PHACTR4: variants seen among roughly 807,000 people sequenced by gnomAD.
PHACTR4 encodes phosphatase and actin regulator 4, also known as protein phosphatase 1, regulatory subunit 124.
Under a neutral mutation model 72.7 loss-of-function variants are expected in PHACTR4, and 51 were observed. The observed-to-expected ratio is 0.70, with a 90% CI of 0.56 to 0.89. The LOEUF (loss-of-function observed/expected upper bound fraction) is 0.89, where lower values mean the gene tolerates loss of function less well. Ranked by LOEUF, PHACTR4 falls within the 40% of genes least tolerant of loss-of-function variation. PHACTR4 has a pLI of 0.00. For synonymous variants in PHACTR4, 255 were observed against 302.5 expected (o/e 0.84, Z 1.63); for missense variants, 731 against 861.8 (o/e 0.85, Z 1.90).
intron 2 of PHACTR4, among the ~76,000 whole-genome samples, chr1:28,426,505 A>G (rs1352899485): frequency 1.3e-5 from 2 of 151,628 alleles, no homozygotes; most frequent in South Asian, 2.1e-4. Context: ...AAAATACAAA[A>G]AAAACCCAAT....
intron 2 of PHACTR4, among the ~76,000 whole-genome samples, chr1:28,432,081 C>T (rs976403686): frequency 6.6e-6 from 1 of 151,990 alleles, no homozygotes; most frequent in Non-Finnish European, 1.5e-5. Context: ...TGGTGGCTCA[C>T]GCCTGTAATC....
chr1:28,377,033 G>A (rs1405287028), intron 1 of PHACTR4, among the ~76,000 whole-genome samples: 3 of 146,048 alleles, frequency 2.1e-5, no homozygotes, highest in Admixed American at 6.8e-5. Context: ...GGGTTCAAGC[G>A]ATTCTCCAGC....
chr1:28,469,994 G>T (rs902440833), intron 6 of PHACTR4, among the ~76,000 whole-genome samples: 5 of 151,818 alleles, frequency 3.3e-5, no homozygotes, highest in Non-Finnish European at 5.9e-5. Context: ...GGGAAGTGGC[G>T]GTTGCAGTGA....
chr1:28,382,307 A>T (rs1012615612), intron 1 of PHACTR4, among the ~76,000 whole-genome samples: 24 of 144,212 alleles, frequency 1.7e-4, no homozygotes, highest in Admixed American at 1.5e-3. Context: ...CTGTCATGAA[A>T]TTTTTTTTTT....
rs547812821 is a variant in PHACTR4, at chr1:28,450,916, T to G, written c.17-8169T>G. ...GCCTCTGCCTCCCGGGTTCAAGAGA[T>G]TCTCATGCCTCAGCCTCCCCAGTAG... is the stretch of plus-strand genomic sequence containing the variant. On this transcript the variant is annotated intron_variant, in intron 2 of 13. Coordinates refer to ENST00000373839, the MANE Select transcript of PHACTR4 (RefSeq NM_001048183.3). Among the ~76,000 whole-genome samples, 53 of 148,740 alleles carry G rather than the reference T, an allele frequency of 3.6e-4. 1 individual carries two copies. The highest frequency in any genetic ancestry group is 3.5e-3 in the Admixed American group (52 of 14,688).
chr1:28,470,046 G>GAGA (rs1659466047), intron 6 of PHACTR4, among the ~76,000 whole-genome samples: 1 of 147,146 alleles, frequency 6.8e-6, no homozygotes, highest in Admixed American at 6.9e-5. Flanking sequence ...GCAACAGAGC[G>GAGA]AGACTCTGTC....
chr1:28,396,405 C>T (rs1487405521), intron 1 of PHACTR4, among the ~76,000 whole-genome samples: 1 of 151,568 alleles, frequency 6.6e-6, no homozygotes, highest in Non-Finnish European at 1.5e-5. Context: ...GTGGTATGCA[C>T]CTTTAATCCC....
chr1:28,398,053 A>G (rs1220660478), intron 1 of PHACTR4, among the ~76,000 whole-genome samples: 1 of 152,098 alleles, frequency 6.6e-6, no homozygotes, highest in Non-Finnish European at 1.5e-5. Flanking sequence ...CCTGCAGTAC[A>G]TGCTTCTGTG....
chr1:28,395,835 T>G (rs1653455488), intron 1 of PHACTR4, among the ~76,000 whole-genome samples: 1 of 104,832 alleles, frequency 9.5e-6, no homozygotes, highest in Non-Finnish European at 1.8e-5. Flanking sequence ...TTTTTTTTTT[T>G]TTTTTTTAGT....
At chr1:28,407,248 CAAA>C (rs78873359) in intron 1 of PHACTR4, among the ~76,000 whole-genome samples, 159 bp from the exon 2 acceptor site, 6 of 76,458 alleles carry the variant, frequency 7.8e-5, no homozygotes, top group African/African-American at 7.6e-5. Flanking sequence ...GATCCTGTCT[CAAA>C]AAAAAAAAAA....
At chr1:28,431,195 A>AAC (rs1656240149) in intron 2 of PHACTR4, among the ~76,000 whole-genome samples, 1 of 136,866 alleles carries the variant, frequency 7.3e-6, no homozygotes, top group African/African-American at 2.9e-5. Context: ...AAAAAAACCA[A>AAC]AATATATATA....
At chr1:28,401,952 A>G (rs961419183) in intron 1 of PHACTR4, among the ~76,000 whole-genome samples, 9 of 152,140 alleles carry the variant, frequency 5.9e-5, no homozygotes, top group African/African-American at 1.9e-4. Flanking sequence ...AACAGAATAT[A>G]AGAGTCTGAG....
chr1:28,382,230 T>C (rs1652227481), intron 1 of PHACTR4, among the ~76,000 whole-genome samples: 1 of 152,242 alleles, frequency 6.6e-6, no homozygotes, highest in South Asian at 2.1e-4. Context: ...TCCTTTTCTG[T>C]GCAGGAGCTC....
rs1203255265 is a variant in PHACTR4 at position 28,491,634 on chromosome 1, G to A, written c.1879-16G>A. On this transcript the variant is annotated splice_polypyrimidine_tract_variant and intron_variant, in intron 11 of 13. Transcript: ENST00000373839. Reference sequence around the variant, plus strand: ...AATTATTGGCTTGGTGAACTAAGAGGCTCCGTTTCCTTCAGCTCAGTCAAA... The same window carrying A: ...AATTATTGGCTTGGTGAACTAAGAGACTCCGTTTCCTTCAGCTCAGTCAAA... The A allele has an allele frequency of 1.9e-6, 3 of 1,613,848 alleles. No homozygotes were observed. The Admixed American group carries it at 5.0e-5, about 27-fold the overall frequency.
chr1:28,484,943 G>T lies in PHACTR4; in HGVS notation c.1761-4227G>T, dbSNP rs371981391. On this transcript the variant is annotated intron_variant, in intron 9 of 13. Coordinates refer to ENST00000373839, the MANE Select transcript of PHACTR4 (RefSeq NM_001048183.3). ...TTCACACCACTGCACTCCAGCCTGG[G>T]CAACAAGAGCAAAAGAAACTCCGTT... Among the ~76,000 whole-genome samples, 138 of 152,170 alleles carry T rather than the reference G, an allele frequency of 9.1e-4. 1 individual carries two copies. Among genetic ancestry groups the T allele is most frequent in the African/African-American group, 3.2e-3 (133 of 41,544 alleles).
intron 9 of PHACTR4, 60 bp from the exon 10 acceptor site, chr1:28,489,110 C>A (rs1570112725): frequency 6.9e-7 from 1 of 1,455,912 alleles, no homozygotes; most frequent in Non-Finnish European, 9.5e-7. Context: ...CCAAAAAAAT[C>A]TTTATAAACA....
chr1:28,449,074 C>T (rs1295265184), intron 2 of PHACTR4, among the ~76,000 whole-genome samples: 2 of 151,994 alleles, frequency 1.3e-5, no homozygotes, highest in African/African-American at 4.8e-5. Flanking sequence ...GCCCAGGAGT[C>T]CAAGGTTGCA....
chr1:28,439,683 A>G lies in PHACTR4; in HGVS notation c.17-19402A>G, dbSNP rs534610986. Among the ~76,000 whole-genome samples the G allele has an allele frequency of 1.7e-4, 26 of 152,332 alleles. No homozygotes were observed. The South Asian group carries it at 5.4e-3, about 32-fold the overall frequency. ...GGCCACTCCCCAGCCTAACAGATGA[A>G]ATTTAGAACATAAAGATAAACCTCA... On this transcript the variant is annotated intron_variant, in intron 2 of 13. Coordinates refer to ENST00000373839, the MANE Select transcript of PHACTR4 (RefSeq NM_001048183.3).
At chr1:28,493,342 A>T (rs1661153131) in intron 13 of PHACTR4, among the ~76,000 whole-genome samples, 1 of 152,144 alleles carries the variant, frequency 6.6e-6, no homozygotes, top group Admixed American at 6.6e-5. Context: ...GTTTGAGACC[A>T]GCCGGACCAA....
Sources: gnomAD v4.1 joint callset for allele counts (sites outside exome capture counted in the v4.1 genomes callset) on GRCh38, gnomAD v4.1.1 for gene constraint, MANE v1.5 for transcripts, NCBI Gene and HGNC (gene_info 2026-07-23, HGNC 2026-07-21) for gene names.